Variants in RIMS2 observed in about 807,000 individuals in gnomAD.
The protein encoded by RIMS2 is regulating synaptic membrane exocytosis protein 2.
In RIMS2, 59 loss-of-function variants were observed where a neutral mutation model predicts 174.4. The ratio of observed to expected loss-of-function variants is 0.34; its 90% confidence interval spans 0.27 to 0.42. The LOEUF is 0.42. RIMS2 is among the 10% of genes least tolerant of loss of function. The pLI is 1.00. For missense variants in RIMS2, 1,620 were observed against 1,666.3 expected (o/e 0.97, Z 0.48); for synonymous variants, 606 against 572.5 (o/e 1.06, Z -0.84).
At chr8:103,611,884 A>G (rs1177521992) in intron 1 of RIMS2, among the ~76,000 whole-genome samples, 1 of 150,056 alleles carries the variant, frequency 6.7e-6, no homozygotes, top group Non-Finnish European at 1.5e-5. Context: ...CTCTTTCTCT[A>G]CCTCTTCTTT....
chr8:103,978,463 C>CA (rs1752499342), intron 16 of RIMS2, among the ~76,000 whole-genome samples: 1 of 152,228 alleles, frequency 6.6e-6, no homozygotes, highest in Admixed American at 6.5e-5. Context: ...GTAACCACTA[C>CA]TACCACTTTG....
intron 1 of RIMS2, among the ~76,000 whole-genome samples, chr8:103,693,776 TG>T (rs2097061628): frequency 6.6e-6 from 1 of 152,170 alleles, no homozygotes; most frequent in Non-Finnish European, 1.5e-5. Flanking sequence ...CTGGAGCCTC[TG>T]TTGTGGGCCG....
At chr8:103,637,328 A>G (rs1564113844) in intron 1 of RIMS2, among the ~76,000 whole-genome samples, 3 of 152,098 alleles carry the variant, frequency 2.0e-5, no homozygotes, top group Admixed American at 2.0e-4. Flanking sequence ...GAATTTTTGC[A>G]TCTGTGTTCA....
chr8:103,613,574 G>A (rs1019183989), intron 1 of RIMS2, among the ~76,000 whole-genome samples: 7 of 152,164 alleles, frequency 4.6e-5, no homozygotes, highest in African/African-American at 1.2e-4. Context: ...TACCTAAGAT[G>A]CAAGACATAG....
chr8:103,691,718 G>A (rs755228204), intron 1 of RIMS2, among the ~76,000 whole-genome samples: 2 of 152,156 alleles, frequency 1.3e-5, no homozygotes, highest in African/African-American at 2.4e-5. Context: ...GTGTGGTCAT[G>A]TCTTCCTGGG....
chr8:103,547,194 G>C (rs1187584458), intron 1 of RIMS2, among the ~76,000 whole-genome samples: 1 of 152,118 alleles, frequency 6.6e-6, no homozygotes, highest in Admixed American at 6.5e-5. Context: ...AGTAAATTAA[G>C]AAAGAAAAAG....
chr8:104,225,470 T>G (rs1410033854), intron 19 of RIMS2, among the ~76,000 whole-genome samples: 1 of 152,212 alleles, frequency 6.6e-6, no homozygotes, highest in African/African-American at 2.4e-5. Flanking sequence ...ATGGACTCAT[T>G]TCCCAGATTT....
chr8:103,709,639 C>G, intron 2 of RIMS2, among the ~76,000 whole-genome samples: 1 of 152,058 alleles, frequency 6.6e-6, no homozygotes, highest in East Asian at 1.9e-4. Flanking sequence ...CTGGTAGGAA[C>G]AACTATTTTC....
At chr8:103,892,061 A>T (rs951124534) in intron 4 of RIMS2, among the ~76,000 whole-genome samples, 3 of 152,098 alleles carry the variant, frequency 2.0e-5, no homozygotes, top group African/African-American at 7.2e-5. Flanking sequence ...AAGACAATAT[A>T]CATTAGCAGT....
chr8:103,517,470 A>G (rs1829529730), intron 1 of RIMS2, among the ~76,000 whole-genome samples: 1 of 151,350 alleles, frequency 6.6e-6, no homozygotes, highest in Non-Finnish European at 1.5e-5. Flanking sequence ...CATCATATGC[A>G]GGACTGATAT....
At chr8:103,736,779 C>T (rs1023963197) in intron 2 of RIMS2, among the ~76,000 whole-genome samples, 8 of 152,132 alleles carry the variant, frequency 5.3e-5, no homozygotes, top group African/African-American at 1.9e-4. Flanking sequence ...AGTTTTGTCA[C>T]TAAAAATGAC....
At chr8:103,789,204 A>G (rs2098473284) in intron 3 of RIMS2, among the ~76,000 whole-genome samples, 1 of 151,874 alleles carries the variant, frequency 6.6e-6, no homozygotes, top group Non-Finnish European at 1.5e-5. Context: ...CCGGTACCTC[A>G]GATGGAAATG....
chr8:103,529,197 G>T (rs1404852497), intron 1 of RIMS2, among the ~76,000 whole-genome samples: 2 of 152,064 alleles, frequency 1.3e-5, no homozygotes, highest in African/African-American at 4.8e-5. Context: ...CTGTTTGTCT[G>T]TTATTGGTGT....
chr8:104,214,584 A>G lies in RIMS2; in HGVS notation c.3335-30332A>G, dbSNP rs148947333. The stretch of plus-strand genomic sequence containing the variant: ...TGCCTCAGCCTCCCGAGTAGCTGAG[A>G]TTACAGTTGCCCACCACCACACCCA... On this transcript the variant is annotated intron_variant, in intron 19 of 23. Transcript: ENST00000504942. Among the ~76,000 whole-genome samples the G allele has an allele frequency of 8.9e-3, 1,349 of 152,118 alleles. 17 individuals carry two copies. Among genetic ancestry groups the G allele is most frequent in the African/African-American group, 0.031 (1,302 of 41,456 alleles).
intron 19 of RIMS2, among the ~76,000 whole-genome samples, chr8:104,076,234 T>A (rs2097289580): frequency 6.6e-6 from 1 of 152,172 alleles, no homozygotes; most frequent in Non-Finnish European, 1.5e-5. Context: ...ATAGCCTAAT[T>A]AAAAGAGTCA....
At chr8:103,500,932 G>A in exon 1 of RIMS2, 2 of 1,608,070 alleles carry the variant, frequency 1.2e-6, no homozygotes, top group Non-Finnish European at 1.7e-6. Flanking sequence ...TCCCATCCCG[G>A]CGGCCTCTCA....
chr8:103,644,348 G>T (rs1030463910), intron 1 of RIMS2, among the ~76,000 whole-genome samples: 1 of 151,806 alleles, frequency 6.6e-6, no homozygotes, highest in Non-Finnish European at 1.5e-5. Context: ...TCTTGATGAC[G>T]CTAACAAGAG....
chr8:104,221,853 G>A (rs907798307), intron 19 of RIMS2, among the ~76,000 whole-genome samples: 5 of 152,148 alleles, frequency 3.3e-5, no homozygotes, highest in African/African-American at 1.2e-4. Context: ...ATCATACCTA[G>A]AAGGCTCTGT....
intron 16 of RIMS2, among the ~76,000 whole-genome samples, chr8:103,986,669 A>T (rs2094382236): frequency 6.6e-6 from 1 of 152,024 alleles, no homozygotes; most frequent in Non-Finnish European, 1.5e-5. Context: ...ACTAGTGTTC[A>T]TGACCAGCCT....
Sources: gnomAD v4.1 joint callset for allele counts (sites outside exome capture counted in the v4.1 genomes callset) on GRCh38, gnomAD v4.1.1 for gene constraint, MANE v1.5 for transcripts, NCBI Gene and HGNC (gene_info 2026-07-23, HGNC 2026-07-21) for gene names.